The following TRHDE variants were observed in gnomAD, a reference collection of about 807,000 sequenced individuals.
The protein encoded by TRHDE is thyrotropin releasing hormone degrading enzyme.
A neutral mutation model predicts 125.7 loss-of-function variants in TRHDE; 72 were observed. The observed-to-expected ratio is 0.57, with a 90% CI of 0.47 to 0.70. The LOEUF (loss-of-function observed/expected upper bound fraction) is 0.70, where lower values mean the gene tolerates loss of function less well. Among genes scored for constraint, TRHDE ranks in the 30% least tolerant of loss-of-function variants. The probability of loss-of-function intolerance (pLI) is 0.00; values close to 1 mark genes in which losing one functional copy is unlikely to be tolerated. For synonymous variants in TRHDE, 509 were observed against 509.1 expected, an observed-to-expected ratio of 1.00 and a Z score of 0.00; for missense variants, 1,110 against 1,327.1, an observed-to-expected ratio of 0.84 and a Z score of 2.54.
intron 2 of TRHDE, among the ~76,000 whole-genome samples, chr12:72,233,792 A>AGGGAGC: frequency 6.6e-6 from 1 of 152,300 alleles, no homozygotes; most frequent in Non-Finnish European, 1.5e-5. Context: ...TTGTTTCCAA[A>AGGGAGC]TGCTTGGCAA....
intron 12 of TRHDE, among the ~76,000 whole-genome samples, chr12:72,607,233 C>A (rs1872482985): frequency 6.6e-6 from 1 of 151,514 alleles, no homozygotes; most frequent in African/African-American, 2.4e-5. Flanking sequence ...TCTGTCCCCT[C>A]TTTTCCCTGT....
At chr12:72,269,255 G>A (rs559488884), upstream of TRHDE, among the ~76,000 whole-genome samples, 2 of 152,182 alleles carry the variant, frequency 1.3e-5, no homozygotes, top group South Asian at 4.1e-4. Flanking sequence ...ACTCACTGAA[G>A]ACCTTTGTAA....
In TRHDE at chr12:72,320,752, T is replaced by C. The variant is rs527281545; in HGVS notation, c.1188+33798T>C. On this transcript the variant is annotated intron_variant, in intron 2 of 18. Transcript: ENST00000261180. ...GTTTTGCTTATATGACAGAGTATAT[T>C]AGGTAAAGCTCTGGATTTCAAATCA... 1.3e-4 allele frequency among the ~76,000 whole-genome samples: 20 copies of C among 152,308 alleles called. No individual in the cohort carries two copies. The East Asian group carries it at 3.9e-3, about 29-fold the overall frequency.
At chr12:72,366,829 T>C (rs1315489434) in intron 2 of TRHDE, among the ~76,000 whole-genome samples, 2 of 151,958 alleles carry the variant, frequency 1.3e-5, no homozygotes, top group Non-Finnish European at 2.9e-5. Context: ...ACTTTATCAA[T>C]GATAATACTT....
chr12:72,305,957 T>A (rs1868334949), intron 2 of TRHDE, among the ~76,000 whole-genome samples: 1 of 152,204 alleles, frequency 6.6e-6, no homozygotes, highest in Non-Finnish European at 1.5e-5. Context: ...TTAGCTTATT[T>A]ATACTTGACA....
At chr12:72,593,200 C>T (rs376761886) in intron 12 of TRHDE, among the ~76,000 whole-genome samples, 34 of 152,090 alleles carry the variant, frequency 2.2e-4, no homozygotes, top group African/African-American at 7.7e-4. Flanking sequence ...ATGTTTTTTG[C>T]TGTCACTATG....
At chr12:72,325,555 A>C (rs1869301300) in intron 2 of TRHDE, among the ~76,000 whole-genome samples, 1 of 152,150 alleles carries the variant, frequency 6.6e-6, no homozygotes, top group African/African-American at 2.4e-5. Context: ...GGATTATTTC[A>C]TAGAGAAAAA....
At chr12:72,242,988 T>A (rs1477981526) in intron 2 of TRHDE, among the ~76,000 whole-genome samples, 1 of 152,202 alleles carries the variant, frequency 6.6e-6, no homozygotes, top group Non-Finnish European at 1.5e-5. Flanking sequence ...GTTTTATCAC[T>A]ACTAGGAGAG....
chr12:72,136,162 C>A (rs186129663), intron 2 of TRHDE, among the ~76,000 whole-genome samples: 1 of 152,250 alleles, frequency 6.6e-6, no homozygotes, highest in African/African-American at 2.4e-5. Flanking sequence ...AGAATATAAG[C>A]AACTCTGTGC....
At chr12:72,489,184 AC>A (rs1308190955) in intron 5 of TRHDE, among the ~76,000 whole-genome samples, 1 of 151,556 alleles carries the variant, frequency 6.6e-6, no homozygotes, top group African/African-American at 2.4e-5. Context: ...GAATGGAAAA[AC>A]CATAGAAAAA....
intron 5 of TRHDE, among the ~76,000 whole-genome samples, chr12:72,497,737 T>A (rs1343373213): frequency 6.6e-6 from 1 of 152,126 alleles, no homozygotes; most frequent in Non-Finnish European, 1.5e-5. Context: ...AACATTAAAT[T>A]TTTTCTTTTG....
At chr12:72,639,648 C>G (rs1264827182) in intron 15 of TRHDE, among the ~76,000 whole-genome samples, 2 of 151,592 alleles carry the variant, frequency 1.3e-5, no homozygotes, top group Non-Finnish European at 3.0e-5. Context: ...TACTTTTGGT[C>G]TTTGATGATG....
chr12:72,662,214 A>G (rs951538027), intron 18 of TRHDE, among the ~76,000 whole-genome samples: 2 of 152,042 alleles, frequency 1.3e-5, no homozygotes, highest in Non-Finnish European at 2.9e-5. Context: ...TTGCAAGTTG[A>G]TTTTTCACAT....
At chr12:72,581,417 C>T (rs1285402942) in intron 12 of TRHDE, among the ~76,000 whole-genome samples, 1 of 151,980 alleles carries the variant, frequency 6.6e-6, no homozygotes, top group Non-Finnish European at 1.5e-5. Flanking sequence ...ATTGTGTATA[C>T]CCAAAAGCAT....
chr12:72,138,245 C>T (rs186649895), intron 2 of TRHDE, among the ~76,000 whole-genome samples: 11 of 152,120 alleles, frequency 7.2e-5, no homozygotes, highest in African/African-American at 2.4e-4. Flanking sequence ...CGTGGTGGTA[C>T]GCACCTGTAG....
At chr12:72,476,669 C>T (rs1389996865) in intron 5 of TRHDE, among the ~76,000 whole-genome samples, 1 of 152,006 alleles carries the variant, frequency 6.6e-6, no homozygotes, top group Non-Finnish European at 1.5e-5. Context: ...AAAAACAGTG[C>T]TTTTTTAGGC....
At chr12:72,410,900 A>C (rs2135814235) in intron 3 of TRHDE, among the ~76,000 whole-genome samples, 1 of 152,140 alleles carries the variant, frequency 6.6e-6, no homozygotes, top group East Asian at 1.9e-4. Context: ...TGAGATTAAA[A>C]ACAACATACA....
chr12:72,101,063 C>T (rs982953866), intron 1 of TRHDE, among the ~76,000 whole-genome samples: 1 of 152,136 alleles, frequency 6.6e-6, no homozygotes, highest in Non-Finnish European at 1.5e-5. Context: ...TCTATTTGCC[C>T]TCCATCATTT....
At chr12:72,212,018 C>T (rs1877792506) in intron 2 of TRHDE, among the ~76,000 whole-genome samples, 1 of 152,020 alleles carries the variant, frequency 6.6e-6, no homozygotes, top group East Asian at 1.9e-4. Context: ...ACATGCATAC[C>T]TATACATATA....
Sources: gnomAD v4.1 joint callset for allele counts (sites outside exome capture counted in the v4.1 genomes callset) on GRCh38, gnomAD v4.1.1 for gene constraint, MANE v1.5 for transcripts, NCBI Gene and HGNC (gene_info 2026-07-23, HGNC 2026-07-21) for gene names.